SLC35F4: variants seen among roughly 807,000 people sequenced by gnomAD.
SLC35F4 encodes chromosome 14 open reading frame 36.
Under a neutral mutation model 44.2 loss-of-function variants are expected in SLC35F4, and 24 were observed. The ratio of observed to expected loss-of-function variants is 0.54; its 90% CI spans 0.39 to 0.76. SLC35F4 has a LOEUF of 0.76. Among genes scored for constraint, SLC35F4 ranks in the 30% least tolerant of loss-of-function variants. SLC35F4 has a pLI of 0.00. For missense variants in SLC35F4, 562 were observed against 586.1 expected (o/e 0.96, Z 0.42); for synonymous variants, 238 against 223.6 (o/e 1.06, Z -0.57).
At chr14:57,635,530 A>C (rs75238073) in intron 1 of SLC35F4, among the ~76,000 whole-genome samples, 28,776 of 152,004 alleles carry the variant, frequency 0.19, 2,695 homozygotes, top group Middle Eastern at 0.23. Flanking sequence ...AGAGATGTTT[A>C]ATTGTCACAG....
At chr14:57,856,360 C>G (rs1055529048) in intron 1 of SLC35F4, among the ~76,000 whole-genome samples, 4 of 151,960 alleles carry the variant, frequency 2.6e-5, no homozygotes, top group Non-Finnish European at 5.9e-5. Context: ...GAGTATAGAC[C>G]TAGGTCTTTC....
At chr14:57,948,538 T>A (rs1440816259) in intron 1 of SLC35F4, among the ~76,000 whole-genome samples, 1 of 152,156 alleles carries the variant, frequency 6.6e-6, no homozygotes, top group Non-Finnish European at 1.5e-5. Flanking sequence ...TTTATTTAGT[T>A]CTGCTCTAAT....
intron 1 of SLC35F4, among the ~76,000 whole-genome samples, chr14:57,915,633 C>T (rs808219): frequency 0.19 from 29,580 of 151,730 alleles, 3,090 homozygotes; most frequent in South Asian, 0.24. Context: ...AGCCCCTGGG[C>T]ATGGACACAT....
At chr14:57,794,258 C>T (rs1259486699) in intron 1 of SLC35F4, among the ~76,000 whole-genome samples, 1 of 151,980 alleles carries the variant, frequency 6.6e-6, no homozygotes, top group African/African-American at 2.4e-5. Context: ...AGAGTAAACA[C>T]ACAACCTACA....
At chr14:57,982,517 G>A (rs938628449), upstream of SLC35F4, among the ~76,000 whole-genome samples, 3 of 151,998 alleles carry the variant, frequency 2.0e-5, no homozygotes, top group Non-Finnish European at 1.5e-5. Flanking sequence ...AAAAGCCAAC[G>A]AGAGCCAAGA....
At chr14:57,762,810 G>A (rs1245181259) in intron 1 of SLC35F4, among the ~76,000 whole-genome samples, 1 of 152,028 alleles carries the variant, frequency 6.6e-6, no homozygotes, top group Non-Finnish European at 1.5e-5. Context: ...ACCAGATGCA[G>A]CCCCTTGACC....
At chr14:57,902,627 C>A (rs993709435) in intron 1 of SLC35F4, among the ~76,000 whole-genome samples, 1 of 150,510 alleles carries the variant, frequency 6.6e-6, no homozygotes, top group Non-Finnish European at 1.5e-5. Flanking sequence ...CCTATGGGAA[C>A]GATTCAAATA....
Position 57,808,118 on chromosome 14 carries a change from G to C in SLC35F4, c.103+57605C>G, listed in dbSNP as rs1474982604. On this transcript the variant is annotated intron_variant, in intron 1 of 7. Transcript: ENST00000556826. Reference sequence around the variant, plus strand: ...TAATGGGAACTACAATTCAAGGTGAGAGTTGGGTGGTGACACAGCCAAGCC... The same window carrying C: ...TAATGGGAACTACAATTCAAGGTGACAGTTGGGTGGTGACACAGCCAAGCC... Among the ~76,000 whole-genome samples, 5 of 151,890 alleles carry C rather than the reference G, an allele frequency of 3.3e-5. 2 individuals are homozygous for C. The highest frequency in any genetic ancestry group is 1.2e-4 in the African/African-American group (5 of 41,148).
intron 1 of SLC35F4, among the ~76,000 whole-genome samples, chr14:57,838,918 G>A (rs937078277): frequency 6.6e-6 from 1 of 152,104 alleles, no homozygotes. Context: ...TAAAAAATAG[G>A]TAGGGACCAT....
At chr14:57,882,806 C>A (rs563313044) in intron 1 of SLC35F4, among the ~76,000 whole-genome samples, 1 of 152,130 alleles carries the variant, frequency 6.6e-6, no homozygotes, top group East Asian at 1.9e-4. Flanking sequence ...TGCCCAAATT[C>A]TTCACCTCTC....
At chr14:57,587,349 A>G (rs1432994334) in intron 3 of SLC35F4, among the ~76,000 whole-genome samples, 1 of 152,250 alleles carries the variant, frequency 6.6e-6, no homozygotes, top group Non-Finnish European at 1.5e-5. Flanking sequence ...CACTGTTAAC[A>G]ATAGCAAAGA....
intron 1 of SLC35F4, among the ~76,000 whole-genome samples, chr14:57,756,819 T>A (rs1363253031): frequency 7.0e-6 from 1 of 143,272 alleles, no homozygotes; most frequent in Non-Finnish European, 1.6e-5. Flanking sequence ...CAAATCTGCC[T>A]AATTTTTTTT....
At chr14:57,732,077 A>G (rs1414390221) in intron 1 of SLC35F4, among the ~76,000 whole-genome samples, 1 of 152,224 alleles carries the variant, frequency 6.6e-6, no homozygotes, top group Admixed American at 6.5e-5. Context: ...AGTAAGATCA[A>G]CATGAAAGGT....
chr14:57,925,781 T>A (rs1889558033), intron 1 of SLC35F4, among the ~76,000 whole-genome samples: 1 of 151,848 alleles, frequency 6.6e-6, no homozygotes, highest in Non-Finnish European at 1.5e-5. Context: ...AAACAATACA[T>A]AAAAAAACCC....
intron 1 of SLC35F4, among the ~76,000 whole-genome samples, chr14:57,847,688 G>T (rs918321256): frequency 6.6e-6 from 1 of 152,076 alleles, no homozygotes. Context: ...TTTCATAAAC[G>T]TATCAATGTA....
At chr14:57,761,236 T>G (rs771261765) in intron 1 of SLC35F4, among the ~76,000 whole-genome samples, 16 of 152,352 alleles carry the variant, frequency 1.1e-4, no homozygotes, top group African/African-American at 3.6e-4. Flanking sequence ...GGTAGAAGGA[T>G]AAAGCTGGTC....
chr14:57,884,177 A>C (rs1291695921), intron 1 of SLC35F4, among the ~76,000 whole-genome samples: 1 of 152,194 alleles, frequency 6.6e-6, no homozygotes, highest in Non-Finnish European at 1.5e-5. Flanking sequence ...CAAAGCACTA[A>C]CTATAACTCT....
chr14:57,966,341 T>A (rs1890436597), intron 1 of SLC35F4, among the ~76,000 whole-genome samples: 1 of 152,230 alleles, frequency 6.6e-6, no homozygotes, highest in Admixed American at 6.5e-5. Context: ...TGTTCTGTAA[T>A]TGGGAATTCT....
chr14:57,574,844 A>G (rs1436988747), intron 4 of SLC35F4, among the ~76,000 whole-genome samples: 4 of 151,856 alleles, frequency 2.6e-5, no homozygotes, highest in Admixed American at 6.6e-5. Flanking sequence ...AGCACGTATC[A>G]GTCACACACA....
Sources: gnomAD v4.1 joint callset for allele counts (sites outside exome capture counted in the v4.1 genomes callset) on GRCh38, gnomAD v4.1.1 for gene constraint, MANE v1.5 for transcripts, NCBI Gene and HGNC (gene_info 2026-07-23, HGNC 2026-07-21) for gene names.